The following GLYATL2 variants were observed in gnomAD, a reference collection of about 807,000 sequenced individuals.
GLYATL2 encodes glycine N-acyltransferase-like protein 2.
A neutral mutation model predicts 21.4 loss-of-function variants in GLYATL2; 25 were observed. The ratio of observed to expected loss-of-function variants is 1.17; its 90% confidence interval spans 0.85 to 1.63. The LOEUF (loss-of-function observed/expected upper bound fraction) is 1.63, where lower values mean the gene tolerates loss of function less well. GLYATL2 is among the 40% of genes most tolerant of loss of function. The pLI is 0.00. For missense variants in GLYATL2, 361 were observed against 343.3 expected (o/e 1.05, Z -0.41); for synonymous variants, 114 against 118.2 (o/e 0.96, Z 0.23).
chr11:58,876,687 C>T (rs1854239336), intron 1 of GLYATL2, among the ~76,000 whole-genome samples: 1 of 152,180 alleles, frequency 6.6e-6, no homozygotes, highest in South Asian at 2.1e-4. Context: ...TGTGAGGTGT[C>T]TGTCCGCCCC....
intron 1 of GLYATL2, among the ~76,000 whole-genome samples, chr11:58,862,060 CAAAAAA>C (rs76901271): frequency 0.014 from 308 of 21,884 alleles, 1 homozygote; most frequent in Non-Finnish European, 0.078. Context: ...AACAAACAAA[CAAAAAA>C]AAACAGATTT....
chr11:58,884,577 G>A (rs1854402692), intron 1 of GLYATL2, among the ~76,000 whole-genome samples: 1 of 152,150 alleles, frequency 6.6e-6, no homozygotes, highest in South Asian at 2.1e-4. Flanking sequence ...CAAAATACAG[G>A]GAAAAAGTTA....
At chr11:58,890,667 A>T (rs2134621032) in intron 1 of GLYATL2, among the ~76,000 whole-genome samples, 1 of 152,228 alleles carries the variant, frequency 6.6e-6, no homozygotes, top group Non-Finnish European at 1.5e-5. Flanking sequence ...TTGAGGGATA[A>T]CATCCATTTC....
intron 1 of GLYATL2, among the ~76,000 whole-genome samples, chr11:58,900,220 C>T (rs1854712763): frequency 6.6e-6 from 1 of 152,142 alleles, no homozygotes; most frequent in Non-Finnish European, 1.5e-5. Context: ...AGCAGTGATT[C>T]GCAGGACATG....
chr11:58,868,566 G>T (rs1467980247), intron 1 of GLYATL2, among the ~76,000 whole-genome samples: 1 of 149,172 alleles, frequency 6.7e-6, no homozygotes, highest in African/African-American at 2.4e-5. Flanking sequence ...TGGTGATATT[G>T]ATTGGTTTTC....
chr11:58,859,399 A>G (rs1447403690), intron 1 of GLYATL2, among the ~76,000 whole-genome samples: 2 of 152,178 alleles, frequency 1.3e-5, no homozygotes, highest in Non-Finnish European at 1.5e-5. Flanking sequence ...ATAAACTAGC[A>G]AAAAGAAAAA....
At chr11:58,899,035 C>T (rs890447978) in intron 1 of GLYATL2, among the ~76,000 whole-genome samples, 5 of 151,980 alleles carry the variant, frequency 3.3e-5, no homozygotes, top group Non-Finnish European at 7.4e-5. Flanking sequence ...TTTAGGATGA[C>T]CAAATTTAAT....
intron 1 of GLYATL2, among the ~76,000 whole-genome samples, chr11:58,887,089 T>C (rs1236459542): frequency 6.6e-6 from 1 of 152,252 alleles, no homozygotes; most frequent in African/African-American, 2.4e-5. Flanking sequence ...TAGTTCTTTT[T>C]ATTTCAGTAA....
At chr11:58,857,425 G>T (rs1449059817) in intron 1 of GLYATL2, among the ~76,000 whole-genome samples, 4 of 152,122 alleles carry the variant, frequency 2.6e-5, no homozygotes, top group Non-Finnish European at 5.9e-5. Flanking sequence ...ACCTGGAACA[G>T]CCTCCTCCTC....
At chr11:58,836,912 G>T in intron 5 of GLYATL2, 103 bp downstream of exon 5, 4 of 975,046 alleles carry the variant, frequency 4.1e-6, no homozygotes, top group Middle Eastern at 2.2e-4. Flanking sequence ...CAATTGTGTA[G>T]CCCATCATAA....
intron 1 of GLYATL2, among the ~76,000 whole-genome samples, chr11:58,842,198 A>G (rs1232118881): frequency 6.6e-6 from 1 of 152,186 alleles, no homozygotes; most frequent in Non-Finnish European, 1.5e-5. Context: ...GTCAATGATA[A>G]TTCTCAGCAT....
At chr11:58,897,247 C>T (rs1172180591) in intron 1 of GLYATL2, among the ~76,000 whole-genome samples, 1 of 152,144 alleles carries the variant, frequency 6.6e-6, no homozygotes, top group Admixed American at 6.5e-5. Context: ...CTCCTTCCTT[C>T]CTCACCCTGA....
chr11:58,859,033 C>T (rs887050812), intron 1 of GLYATL2, among the ~76,000 whole-genome samples: 4 of 152,200 alleles, frequency 2.6e-5, no homozygotes, highest in African/African-American at 7.2e-5. Flanking sequence ...TCAAAAACCT[C>T]TAACCCATTT....
intron 1 of GLYATL2, among the ~76,000 whole-genome samples, chr11:58,869,253 C>A (rs1854074165): frequency 6.6e-6 from 1 of 152,140 alleles, no homozygotes; most frequent in South Asian, 2.1e-4. Flanking sequence ...TCTTTTATAA[C>A]ACTGTTTGGC....
intron 1 of GLYATL2, among the ~76,000 whole-genome samples, chr11:58,857,575 C>T (rs1853852136): frequency 6.6e-6 from 1 of 152,190 alleles, no homozygotes; most frequent in South Asian, 2.1e-4. Flanking sequence ...GAGTGAACTT[C>T]ACCTCCTTTC....
intron 1 of GLYATL2, among the ~76,000 whole-genome samples, chr11:58,844,171 T>C (rs560065068): frequency 1.3e-5 from 2 of 152,244 alleles, no homozygotes; most frequent in Admixed American, 1.3e-4. Flanking sequence ...ACAAGCATAT[T>C]GATAACTTAT....
At chr11:58,875,424 G>A (rs1854210342) in intron 1 of GLYATL2, among the ~76,000 whole-genome samples, 2 of 152,160 alleles carry the variant, frequency 1.3e-5, no homozygotes, top group African/African-American at 2.4e-5. Flanking sequence ...GCAGTGGCTG[G>A]TACTGGTTGT....
At chr11:58,883,967 C>T (rs1854390532) in intron 1 of GLYATL2, among the ~76,000 whole-genome samples, 1 of 152,150 alleles carries the variant, frequency 6.6e-6, no homozygotes, top group Non-Finnish European at 1.5e-5. Flanking sequence ...AGACAAAAGC[C>T]ACATGATTTT....
Position 58,839,674 on chromosome 11 carries a change from C to A in GLYATL2, c.-40-22G>T. 4 of 1,184,144 alleles carry A rather than the reference C, an allele frequency of 3.4e-6. No homozygotes were observed. In the Admixed American group the frequency reaches 5.8e-5, roughly 17 times the overall value. The allele number at this position is 1,184,144 out of a possible 1,614,324, so 73.4% of individuals were successfully genotyped here. ...TGATCTAAGGAAATAAACACAAAAA[C>A]AAAAATACCTAGAGAGATATGATAG... is the stretch of plus-strand genomic sequence containing the variant. On this transcript the variant is annotated intron_variant, in intron 1 of 5. Transcript: ENST00000287275.
Sources: gnomAD v4.1 joint callset for allele counts (sites outside exome capture counted in the v4.1 genomes callset) on GRCh38, gnomAD v4.1.1 for gene constraint, MANE v1.5 for transcripts, NCBI Gene and HGNC (gene_info 2026-07-23, HGNC 2026-07-21) for gene names.